AOAH: variants seen among roughly 807,000 people sequenced by gnomAD.
AOAH encodes acyloxyacyl hydrolase.
In AOAH, 64 loss-of-function variants were observed where a neutral mutation model predicts 92.2. That is an observed-to-expected ratio of 0.69 (90% CI 0.57 to 0.86). The LOEUF is 0.86. Ranked by LOEUF, AOAH falls within the 40% of genes least tolerant of loss-of-function variation. AOAH has a pLI of 0.00. For missense variants in AOAH, 656 were observed against 694.6 expected (o/e 0.94, Z 0.62); for synonymous variants, 263 against 254.5 (o/e 1.03, Z -0.32).
At chr7:36,570,631 G>A (rs912062966) in intron 13 of AOAH, among the ~76,000 whole-genome samples, 1 of 152,186 alleles carries the variant, frequency 6.6e-6, no homozygotes, top group Non-Finnish European at 1.5e-5. Flanking sequence ...GTGCACAAAG[G>A]TTCCAGTTTC....
At chr7:36,522,141 A>G in intron 19 of AOAH, 26 bp from the exon 20 acceptor site, 1 of 1,609,902 alleles carries the variant, frequency 6.2e-7, no homozygotes, top group Non-Finnish European at 8.5e-7. Flanking sequence ...CGAGAGGGTT[A>G]CAGACACACT....
At chr7:36,597,262 C>A (rs907284734) in intron 11 of AOAH, among the ~76,000 whole-genome samples, 1 of 152,164 alleles carries the variant, frequency 6.6e-6, no homozygotes, top group African/African-American at 2.4e-5. Context: ...TTTGTCACCC[C>A]TTAGCATTCA....
intron 13 of AOAH, among the ~76,000 whole-genome samples, chr7:36,566,170 T>C (rs1236529178): frequency 2.6e-5 from 4 of 151,990 alleles, no homozygotes; most frequent in Non-Finnish European, 2.9e-5. Flanking sequence ...ATTCAGGTTA[T>C]GCAATTTTTG....
chr7:36,720,987 A>G (rs1799594565), intron 1 of AOAH, among the ~76,000 whole-genome samples: 1 of 151,980 alleles, frequency 6.6e-6, no homozygotes, highest in African/African-American at 2.4e-5. Flanking sequence ...TCTTCCACAC[A>G]CTTCTTCCTC....
intron 11 of AOAH, among the ~76,000 whole-genome samples, chr7:36,601,201 C>T (rs1351895155): frequency 6.6e-6 from 1 of 152,222 alleles, no homozygotes. Flanking sequence ...TTCTCATAAA[C>T]TAAGGCTTTA....
At chr7:36,649,457 G>A (rs911273251) in intron 4 of AOAH, among the ~76,000 whole-genome samples, 3 of 152,172 alleles carry the variant, frequency 2.0e-5, no homozygotes, top group Non-Finnish European at 4.4e-5. Context: ...GACTGCATCC[G>A]CTTTTAAACA....
At chr7:36,679,015 G>A (rs1394235346) in intron 2 of AOAH, among the ~76,000 whole-genome samples, 1 of 151,972 alleles carries the variant, frequency 6.6e-6, no homozygotes, top group Admixed American at 6.6e-5. Flanking sequence ...AAAGAGACTT[G>A]GAACAGCATA....
intron 1 of AOAH, among the ~76,000 whole-genome samples, chr7:36,709,859 C>A (rs1464308286): frequency 1.3e-5 from 2 of 152,216 alleles, no homozygotes; most frequent in Non-Finnish European, 2.9e-5. Context: ...AAACCATAAA[C>A]AAACCCAAAC....
chr7:36,714,451 G>C (rs529488104), intron 1 of AOAH, among the ~76,000 whole-genome samples: 5 of 152,184 alleles, frequency 3.3e-5, no homozygotes, highest in African/African-American at 9.6e-5. Context: ...AATAGAAAAA[G>C]AGGGAATCCT....
chr7:36,520,148 A>G (rs1784035900), intron 20 of AOAH, among the ~76,000 whole-genome samples: 2 of 152,210 alleles, frequency 1.3e-5, no homozygotes, highest in Admixed American at 1.3e-4. Flanking sequence ...ATATAGGTGA[A>G]ACTGTTTAAG....
chr7:36,542,769 T>G (rs12701508), intron 15 of AOAH, among the ~76,000 whole-genome samples: 78,440 of 151,972 alleles, frequency 0.52, 20,324 homozygotes, highest in African/African-American at 0.56. Context: ...GGTACACCCA[T>G]GCAATAGAAC....
In AOAH at chr7:36,532,393, C is replaced by A. The variant is rs76815779; in HGVS notation, c.1307-49G>T. 3.2e-3 allele frequency: 4,993 copies of A among 1,571,728 alleles called. 159 individuals carry two copies. The African/African-American group carries it at 0.059, about 18-fold the overall frequency. On this transcript the variant is annotated intron_variant, in intron 16 of 20. Transcript: ENST00000617537. ...GATTGCATCCACTCGGCAATAGCAG[C>A]ATTTAGAGGCACCTGGGGGCTTCCC... is the stretch of plus-strand genomic sequence containing the variant.
At chr7:36,666,479 A>G (rs1425508671) in intron 3 of AOAH, among the ~76,000 whole-genome samples, 1 of 151,860 alleles carries the variant, frequency 6.6e-6, no homozygotes, top group Non-Finnish European at 1.5e-5. Flanking sequence ...TTTTACTGAT[A>G]TTTTCAAAAA....
At chr7:36,537,115 C>T (rs74995399) in intron 16 of AOAH, among the ~76,000 whole-genome samples, 3,425 of 152,108 alleles carry the variant, frequency 0.023, 84 homozygotes, top group African/African-American at 0.063. Flanking sequence ...CCTGATGCTT[C>T]GTTGAGAAAT....
At chr7:36,578,515 C>T (rs1410384418) in intron 12 of AOAH, among the ~76,000 whole-genome samples, 1 of 152,088 alleles carries the variant, frequency 6.6e-6, no homozygotes, top group Non-Finnish European at 1.5e-5. Flanking sequence ...TAAATAGCAA[C>T]CCCACACCTC....
At chr7:36,604,802 T>C (rs1429443737) in intron 11 of AOAH, among the ~76,000 whole-genome samples, 1 of 152,228 alleles carries the variant, frequency 6.6e-6, no homozygotes, top group Admixed American at 6.5e-5. Flanking sequence ...TTTGGGACTC[T>C]GTGACCACAG....
At chr7:36,537,446 T>C (rs1420759615) in intron 16 of AOAH, among the ~76,000 whole-genome samples, 1 of 152,048 alleles carries the variant, frequency 6.6e-6, no homozygotes, top group Non-Finnish European at 1.5e-5. Context: ...GTCTCGTGCA[T>C]TGTAGATGTT....
At chr7:36,677,415 T>C (rs1796321213) in intron 2 of AOAH, among the ~76,000 whole-genome samples, 1 of 152,226 alleles carries the variant, frequency 6.6e-6, no homozygotes, top group African/African-American at 2.4e-5. Flanking sequence ...TATAATGTGC[T>C]ATAATAAAAG....
intron 1 of AOAH, among the ~76,000 whole-genome samples, chr7:36,706,338 A>G (rs576167831): frequency 6.2e-4 from 94 of 152,286 alleles, no homozygotes; most frequent in Non-Finnish European, 1.1e-3. Context: ...TTTTGAAATA[A>G]ATCTTTTTTC....
Sources: allele counts gnomAD v4.1 joint callset (sites outside exome capture counted in the v4.1 genomes callset), GRCh38; gene constraint gnomAD v4.1.1; transcripts MANE v1.5; gene names NCBI Gene and HGNC (gene_info 2026-07-23, HGNC 2026-07-21).